Variants in RTN1 observed in about 807,000 individuals in gnomAD.
RTN1 encodes reticulon-1.
In RTN1, 25 loss-of-function variants were observed where a neutral mutation model predicts 65.5. That is an observed-to-expected ratio of 0.38 (90% CI 0.28 to 0.53). The LOEUF is 0.53. Among genes scored for constraint, RTN1 ranks in the 20% least tolerant of loss-of-function variants. The pLI, the probability that RTN1 is intolerant of heterozygous loss-of-function variation, is 0.79. For missense variants in RTN1, 983 were observed against 1,025.4 expected, an observed-to-expected ratio of 0.96 and a Z score of 0.57; for synonymous variants, 471 against 447.6, an observed-to-expected ratio of 1.05 and a Z score of -0.66.
At chr14:59,777,724 C>A (rs769464757) in intron 1 of RTN1, among the ~76,000 whole-genome samples, 2 of 151,392 alleles carry the variant, frequency 1.3e-5, no homozygotes, top group African/African-American at 4.8e-5. Context: ...GTATTTCCAG[C>A]AAAATATAAT....
intron 1 of RTN1, among the ~76,000 whole-genome samples, chr14:59,752,870 T>C (rs571435912): frequency 2.0e-5 from 3 of 152,188 alleles, no homozygotes; most frequent in Admixed American, 2.0e-4. Context: ...AAAATGTGAG[T>C]TATCCAACAA....
chr14:59,648,928 C>T lies in RTN1; in HGVS notation c.1766-41436G>A, dbSNP rs750500359. Among the ~76,000 whole-genome samples the T allele has an allele frequency of 6.7e-4, 102 of 152,192 alleles. 1 individual carries two copies. Among genetic ancestry groups the T allele is most frequent in the Non-Finnish European group, 6.3e-4 (43 of 67,992 alleles). On this transcript the variant is annotated intron_variant, in intron 3 of 8. Coordinates refer to ENST00000267484, the MANE Select transcript of RTN1 (RefSeq NM_021136.3). ...CCCTATTCAACATAGTATTGGATGT[C>T]CTGGCCTTAGCACTCAGGCAAGAGA... is the stretch of plus-strand genomic sequence containing the variant.
At chr14:59,750,046 A>C (rs1285744742) in intron 1 of RTN1, among the ~76,000 whole-genome samples, 11 of 40,682 alleles carry the variant, frequency 2.7e-4, no homozygotes, top group African/African-American at 1.0e-3. Context: ...TATATTATAT[A>C]TTATATTATA....
At chr14:59,785,029 C>T (rs1021883105) in intron 1 of RTN1, among the ~76,000 whole-genome samples, 1 of 152,144 alleles carries the variant, frequency 6.6e-6, no homozygotes, top group Non-Finnish European at 1.5e-5. Context: ...TCCAATTTAA[C>T]TTGTTTTTAT....
intron 3 of RTN1, among the ~76,000 whole-genome samples, chr14:59,654,152 G>C (rs529882728): frequency 1.3e-5 from 2 of 152,116 alleles, no homozygotes; most frequent in African/African-American, 2.4e-5. Context: ...GGGGCTGGAC[G>C]CAGTGGCTCA....
chr14:59,854,126 C>T (rs1361148699), intron 1 of RTN1, among the ~76,000 whole-genome samples: 1 of 152,006 alleles, frequency 6.6e-6, no homozygotes, highest in African/African-American at 2.4e-5. Context: ...TCCCAAAGTG[C>T]AGGATTACAG....
At chr14:59,823,786 T>C (rs76745344) in intron 1 of RTN1, among the ~76,000 whole-genome samples, 1,839 of 152,270 alleles carry the variant, frequency 0.012, 33 homozygotes, top group African/African-American at 0.041. Context: ...TCACAGGGGT[T>C]CTCTGAATTT....
chr14:59,749,756 T>A (rs1885394849), intron 1 of RTN1, among the ~76,000 whole-genome samples: 1 of 109,912 alleles, frequency 9.1e-6, no homozygotes, highest in Non-Finnish European at 1.6e-5. Flanking sequence ...TATATGTATA[T>A]TTATATATCT....
intron 3 of RTN1, among the ~76,000 whole-genome samples, chr14:59,661,675 GA>G (rs541717822): frequency 6.6e-6 from 1 of 152,158 alleles, no homozygotes; most frequent in Non-Finnish European, 1.5e-5. Context: ...AATAGATGAA[GA>G]AAAGGCTTTC....
intron 1 of RTN1, among the ~76,000 whole-genome samples, chr14:59,749,448 A>ATATATCTATATATATCTAATCTATC (rs1885353026): frequency 9.7e-6 from 1 of 102,594 alleles, no homozygotes; most frequent in South Asian, 2.9e-4. Context: ...CTATATCTAT[A>ATATATCTATATATATCTAATCTATC]TATATCTATA....
At chr14:59,669,797 G>A (rs553698840) in intron 3 of RTN1, among the ~76,000 whole-genome samples, 69 of 151,950 alleles carry the variant, frequency 4.5e-4, no homozygotes, top group Non-Finnish European at 8.7e-4. Flanking sequence ...TCACACTGCC[G>A]ATGAGTGGAT....
rs144212972 is a variant in RTN1, at chr14:59,853,472, T to C, written c.241+16918A>G. Among the ~76,000 whole-genome samples, 469 of 152,212 alleles carry C rather than the reference T, an allele frequency of 3.1e-3. 3 individuals carry two copies. The highest frequency in any genetic ancestry group is 0.02 in the Middle Eastern group (6 of 294). On this transcript the variant is annotated intron_variant, in intron 1 of 8. Coordinates refer to ENST00000267484, the MANE Select transcript of RTN1 (RefSeq NM_021136.3). ...ATTTTTAGACAGCTGTCATAACCCATCCTATCTTCTTTTAAGCAGTCTGTA... is the reference window on the plus strand; with the variant it reads ...ATTTTTAGACAGCTGTCATAACCCACCCTATCTTCTTTTAAGCAGTCTGTA...
At chr14:59,705,999 T>C (rs1884283929) in intron 3 of RTN1, among the ~76,000 whole-genome samples, 1 of 152,176 alleles carries the variant, frequency 6.6e-6, no homozygotes, top group African/African-American at 2.4e-5. Context: ...TTCTCTTACC[T>C]GACTAAGGGA....
At position 59,857,939 on chromosome 14, in the gene RTN1, T is replaced by C. The variant is rs139945817; in HGVS notation, c.241+12451A>G. Among the ~76,000 whole-genome samples, 454 of 152,310 alleles carry C rather than the reference T, an allele frequency of 3.0e-3. 1 individual carries two copies. Among genetic ancestry groups the C allele is most frequent in the Admixed American group, 4.3e-3 (66 of 15,296 alleles). On this transcript the variant is annotated intron_variant, in intron 1 of 8. Transcript: ENST00000267484. ...ATCATCCCCATACTCAGACTGCCTT[T>C]CTGCTCACTTCTGCCCCCTTCCAAT... is the stretch of plus-strand genomic sequence containing the variant.
chr14:59,616,320 C>T (rs1272776650), intron 3 of RTN1, among the ~76,000 whole-genome samples: 1 of 152,116 alleles, frequency 6.6e-6, no homozygotes, highest in Non-Finnish European at 1.5e-5. Flanking sequence ...TCAATTGTGT[C>T]TTTAACTGTG....
intron 3 of RTN1, among the ~76,000 whole-genome samples, chr14:59,642,085 T>G (rs1882792968): frequency 6.6e-6 from 1 of 152,204 alleles, no homozygotes; most frequent in African/African-American, 2.4e-5. Context: ...TTATCTTATT[T>G]TCATTTTTGA....
In RTN1 at chr14:59,596,292, A is replaced by G. The variant is rs2140153508; in HGVS notation, c.*453T>C. The G allele has an allele frequency of 6.5e-6, 1 of 153,070 alleles. No individual in the cohort carries two copies. The highest frequency in any genetic ancestry group is 2.1e-4 in the South Asian group (1 of 4,826). 9.5% of individuals were successfully genotyped at this position (153,070 alleles called of 1,614,324 possible). A position where few individuals can be genotyped will look rare whatever the true frequency, so the allele number is the denominator to read the frequency against. On this transcript the variant is annotated 3_prime_UTR_variant, in exon 9 of 9. Coordinates refer to ENST00000267484, the MANE Select transcript of RTN1 (RefSeq NM_021136.3). ...TGTGTTGGAAAAATGCTAAAACATCAGTCTACAATTCTATATATTGTTATT... is the reference window on the plus strand; with the variant it reads ...TGTGTTGGAAAAATGCTAAAACATCGGTCTACAATTCTATATATTGTTATT...
intron 1 of RTN1, among the ~76,000 whole-genome samples, chr14:59,821,146 T>C (rs1032730156): frequency 6.6e-6 from 1 of 152,232 alleles, no homozygotes; most frequent in South Asian, 2.1e-4. Flanking sequence ...TGCATGATCA[T>C]GAAATGTTTT....
intron 3 of RTN1, among the ~76,000 whole-genome samples, chr14:59,693,396 T>C (rs1172877315): frequency 1.3e-5 from 2 of 152,184 alleles, no homozygotes; most frequent in African/African-American, 4.8e-5. Context: ...CAGGTGGTGT[T>C]TGGTTACATG....
Sources: gnomAD v4.1 joint callset for allele counts (sites outside exome capture counted in the v4.1 genomes callset) on GRCh38, gnomAD v4.1.1 for gene constraint, MANE v1.5 for transcripts, NCBI Gene and HGNC (gene_info 2026-07-23, HGNC 2026-07-21) for gene names.